BMPR1A: variants seen among roughly 807,000 people sequenced by gnomAD.
BMPR1A encodes the protein bone morphogenetic protein receptor type-1A.
A neutral mutation model predicts 66.0 loss-of-function variants in BMPR1A; 7 were observed. The ratio of observed to expected loss-of-function variants is 0.11; its 90% CI spans 0.06 to 0.20. BMPR1A has a LOEUF of 0.20. BMPR1A is among the 10% of genes least tolerant of loss of function. The pLI, the probability that BMPR1A is intolerant of heterozygous loss-of-function variation, is 1.00. For missense variants in BMPR1A, 408 were observed against 669.1 expected (o/e 0.61, Z 4.31); for synonymous variants, 200 against 229.7 (o/e 0.87, Z 1.17).
intron 3 of BMPR1A, among the ~76,000 whole-genome samples, chr10:86,881,812 C>T (rs1402639395): frequency 1.3e-5 from 2 of 152,084 alleles, no homozygotes; most frequent in Non-Finnish European, 2.9e-5. Flanking sequence ...AGACAACCAG[C>T]TTATTTGGAT....
rs140585629 is a variant in BMPR1A, at chr10:86,805,346, TTC to T, written c.-267-33515_-267-33514del. On this transcript the variant is annotated intron_variant, in intron 1 of 12. Transcript: ENST00000372037. Reference sequence around the variant, plus strand: ...ACATTTTCCCATATTTGCATTATAATTCTCTGTTTCTGTCTCTTCACTCCTAC... The same window carrying T: ...ACATTTTCCCATATTTGCATTATAATTCTGTTTCTGTCTCTTCACTCCTAC... Among the ~76,000 whole-genome samples, 670 of 148,124 alleles carry T rather than the reference TTC, an allele frequency of 4.5e-3. 9 individuals carry two copies. Among genetic ancestry groups the T allele is most frequent in the African/African-American group, 0.016 (629 of 39,802 alleles).
At chr10:86,822,717 A>G (rs528670431) in intron 1 of BMPR1A, among the ~76,000 whole-genome samples, 1 of 152,026 alleles carries the variant, frequency 6.6e-6, no homozygotes, top group South Asian at 2.1e-4. Flanking sequence ...GCTCACTGCA[A>G]CCTCTGCCTC....
intron 2 of BMPR1A, among the ~76,000 whole-genome samples, chr10:86,869,175 G>T (rs1842821975): frequency 2.0e-5 from 3 of 152,116 alleles, no homozygotes; most frequent in Non-Finnish European, 4.4e-5. Context: ...GAATGATTGT[G>T]GCCAGGCACG....
At position 86,889,662 on chromosome 10, in the gene BMPR1A, CGA is replaced by C. The variant is rs1380919985; in HGVS notation, c.68-399_68-398del. ...TGCACTCCAGATGTGCTGACCCCTG[CGA>C]TTTCCCCAAATGTGGGAAACTCAAC... is the stretch of plus-strand genomic sequence containing the variant. On this transcript the variant is annotated intron_variant, in intron 3 of 12. Transcript: ENST00000372037. 3.1e-5 allele frequency: 7 copies of C among 228,442 alleles called. No individual in the cohort carries two copies. The East Asian group carries it at 8.5e-4, about 28-fold the overall frequency. 14.2% of individuals were successfully genotyped at this position (228,442 alleles called of 1,614,324 possible).
chr10:86,907,358 G>A (rs1843412211), intron 7 of BMPR1A, among the ~76,000 whole-genome samples: 2 of 152,200 alleles, frequency 1.3e-5, no homozygotes, highest in South Asian at 4.1e-4. Context: ...TATGGAGAAA[G>A]GGGAACCCTA....
In BMPR1A at chr10:86,756,662, C is replaced by T. The variant is rs1328219474; in HGVS notation, c.-525C>T. The T allele has an allele frequency of 3.3e-5, 5 of 151,970 alleles. No individual in the cohort carries two copies. Among genetic ancestry groups the T allele is most frequent in the African/African-American group, 9.7e-5 (4 of 41,360 alleles). 9.4% of individuals were successfully genotyped at this position (151,970 alleles called of 1,614,324 possible). A position where few individuals can be genotyped will look rare whatever the true frequency, so the allele number is the denominator to read the frequency against. ...CGGCGGCCGCTGCAGAGATTGGAAT[C>T]CGCCTGCCGGGCTTGGCGAAGGAGA... On this transcript the variant is annotated 5_prime_UTR_variant, in exon 1 of 13. Coordinates refer to ENST00000372037, the MANE Select transcript of BMPR1A (RefSeq NM_004329.3).
chr10:86,915,537 T>C (rs1439078411), intron 8 of BMPR1A, among the ~76,000 whole-genome samples: 1 of 151,380 alleles, frequency 6.6e-6, no homozygotes, highest in African/African-American at 2.4e-5. Context: ...GAGACCAGTC[T>C]GGCCAACATG....
At chr10:86,767,948 A>G (rs918349830) in intron 1 of BMPR1A, among the ~76,000 whole-genome samples, 8 of 152,166 alleles carry the variant, frequency 5.3e-5, no homozygotes, top group African/African-American at 1.7e-4. Context: ...TCTTTCCTAC[A>G]TGTTACTTGT....
intron 2 of BMPR1A, chr10:86,854,933 C>CT (rs921404914): frequency 0.012 from 1,791 of 146,104 alleles, 10 homozygotes; most frequent in Non-Finnish European, 0.014. Context: ...TTTTCTTTTT[C>CT]TTTTTTTTTT....
At chr10:86,870,244 C>T (rs1424497562) in intron 2 of BMPR1A, among the ~76,000 whole-genome samples, 3 of 152,132 alleles carry the variant, frequency 2.0e-5, no homozygotes, top group Non-Finnish European at 4.4e-5. Flanking sequence ...ACCAAATGCC[C>T]GTTAGACATT....
chr10:86,761,418 G>T (rs1481509256), intron 1 of BMPR1A, among the ~76,000 whole-genome samples: 4 of 152,238 alleles, frequency 2.6e-5, no homozygotes, highest in African/African-American at 9.6e-5. Context: ...ACTTATGAAG[G>T]AGGACAGGAG....
intron 1 of BMPR1A, among the ~76,000 whole-genome samples, chr10:86,826,028 C>A (rs1222119786): frequency 7.9e-5 from 12 of 152,142 alleles, no homozygotes; most frequent in Non-Finnish European, 1.8e-4. Context: ...ACCCTTGTGT[C>A]TTTCACTAAC....
At chr10:86,838,789 TC>T (rs1288863453) in intron 1 of BMPR1A, 75 bp from the exon 2 acceptor site, 5 of 152,198 alleles carry the variant, frequency 3.3e-5, no homozygotes, top group African/African-American at 1.2e-4. Context: ...GCGAAACGCT[TC>T]TAGTATTGCT....
Position 86,808,355 on chromosome 10 carries a change from G to A in BMPR1A, c.-267-30510G>A, listed in dbSNP as rs554264118. Among the ~76,000 whole-genome samples the A allele has an allele frequency of 7.2e-5, 11 of 152,062 alleles. No homozygotes were observed. The East Asian group carries it at 1.9e-3, about 27-fold the overall frequency. ...ATTTTATGATCTTTTCAAAGAACCA[G>A]CTTTTAGTTTTTCTTACTGATTTCC... is the stretch of plus-strand genomic sequence containing the variant. On this transcript the variant is annotated intron_variant, in intron 1 of 12. Transcript: ENST00000372037.
chr10:86,813,446 C>T (rs1221452370), intron 1 of BMPR1A, among the ~76,000 whole-genome samples: 3 of 152,116 alleles, frequency 2.0e-5, no homozygotes, highest in Non-Finnish European at 4.4e-5. Context: ...AGTTAGTCTT[C>T]GTTTCTAATT....
intron 7 of BMPR1A, among the ~76,000 whole-genome samples, chr10:86,903,056 C>T (rs968061117): frequency 2.3e-4 from 35 of 152,104 alleles, no homozygotes; most frequent in African/African-American, 8.2e-4. Flanking sequence ...CAGATCACAC[C>T]ATTTCTAAGT....
At chr10:86,899,124 G>C (rs1365702869) in intron 5 of BMPR1A, among the ~76,000 whole-genome samples, 3 of 152,210 alleles carry the variant, frequency 2.0e-5, no homozygotes, top group African/African-American at 7.2e-5. Flanking sequence ...CAGAATGGCA[G>C]TTCTCCCCAG....
chr10:86,817,903 A>G (rs550738699), intron 1 of BMPR1A, among the ~76,000 whole-genome samples: 16 of 152,378 alleles, frequency 1.1e-4, no homozygotes, highest in East Asian at 7.7e-4. Context: ...AGACAAAGAT[A>G]CTACAAGGAA....
At chr10:86,922,036 T>C (rs1482057952) in intron 11 of BMPR1A, among the ~76,000 whole-genome samples, 1 of 150,016 alleles carries the variant, frequency 6.7e-6, no homozygotes, top group Non-Finnish European at 1.5e-5. Context: ...TCTCTACTTA[T>C]TAAACATCCC....
Sources: allele counts gnomAD v4.1 joint callset (sites outside exome capture counted in the v4.1 genomes callset), GRCh38; gene constraint gnomAD v4.1.1; transcripts MANE v1.5; gene names NCBI Gene and HGNC (gene_info 2026-07-23, HGNC 2026-07-21).